The following HSDL2 variants were observed in gnomAD, a reference collection of about 807,000 sequenced individuals.
The protein encoded by HSDL2 is hydroxysteroid dehydrogenase like 2.
Under a neutral mutation model 46.3 loss-of-function variants are expected in HSDL2, and 27 were observed. The observed-to-expected ratio is 0.58, with a 90% CI of 0.43 to 0.80. HSDL2 has a LOEUF of 0.80. HSDL2 is among the 30% of genes least tolerant of loss of function. The pLI is 0.00. For synonymous variants in HSDL2, 153 were observed against 163.6 expected, an observed-to-expected ratio of 0.94 and a Z score of 0.50; for missense variants, 451 against 502.7, an observed-to-expected ratio of 0.90 and a Z score of 0.98.
intron 8 of HSDL2, among the ~76,000 whole-genome samples, chr9:112,442,450 C>T (rs1727626649): frequency 6.6e-6 from 1 of 152,068 alleles, no homozygotes; most frequent in Admixed American, 6.6e-5. Flanking sequence ...ATACATCTAA[C>T]ACCATTTCCA....
At chr9:112,433,065 G>T (rs758555831) in intron 6 of HSDL2, among the ~76,000 whole-genome samples, 1 of 152,010 alleles carries the variant, frequency 6.6e-6, no homozygotes, top group South Asian at 2.1e-4. Flanking sequence ...GTGATCCACC[G>T]TGCCTGGCCT....
At chr9:112,465,341 C>T (rs1436717559) in intron 10 of HSDL2, among the ~76,000 whole-genome samples, 1 of 152,170 alleles carries the variant, frequency 6.6e-6, no homozygotes, top group Admixed American at 6.5e-5. Context: ...GTTGGCCAGG[C>T]TGGTCTCGAA....
chr9:112,381,013 TCC>T (rs1831077129), intron 1 of HSDL2, among the ~76,000 whole-genome samples: 1 of 151,814 alleles, frequency 6.6e-6, no homozygotes, highest in Non-Finnish European at 1.5e-5. Context: ...AGTCTCCCCA[TCC>T]CTAAAATCTA....
intron 6 of HSDL2, among the ~76,000 whole-genome samples, chr9:112,421,695 C>T (rs1832128138): frequency 2.0e-5 from 3 of 152,086 alleles, no homozygotes; most frequent in East Asian, 1.9e-4. Context: ...GCCACTGCAC[C>T]GGCCTTATTA....
rs367712456 is a variant in HSDL2 at position 112,405,708 on chromosome 9, T to C, written c.266T>C (p.Ile89Thr). 1 of 1,608,194 alleles carries C rather than the reference T, an allele frequency of 6.2e-7. No homozygotes were observed. Among genetic ancestry groups the C allele is most frequent in the African/African-American group, 1.3e-5 (1 of 74,730 alleles). The part of the protein sequence containing the change: ...QQISAAVEKA[I>T]KKFGGIDILV... The stretch of plus-strand genomic sequence containing the variant: ...ATCAGTGCTGCAGTGGAGAAAGCCA[T>C]CAAGAAATTTGGAGGTAATACCTTC... The change falls in exon 3 of 11, where the codon ATC (isoleucine) becomes ACC (threonine). Residue 89 changes from isoleucine (I) to threonine (T), a missense_variant. Transcript: ENST00000398805.
intron 6 of HSDL2, among the ~76,000 whole-genome samples, chr9:112,437,060 A>G (rs1479562665): frequency 3.4e-5 from 5 of 145,934 alleles, no homozygotes; most frequent in Non-Finnish European, 5.9e-5. Flanking sequence ...CCCAGGTTCA[A>G]GCAATTCTCC....
intron 6 of HSDL2, among the ~76,000 whole-genome samples, chr9:112,428,060 T>C (rs182005626): frequency 1.3e-5 from 2 of 152,318 alleles, no homozygotes; most frequent in Middle Eastern, 3.4e-3. Context: ...TCCTATCTGC[T>C]ATGTACTGGA....
chr9:112,392,647 G>C (rs888425936), intron 1 of HSDL2, among the ~76,000 whole-genome samples: 6 of 152,006 alleles, frequency 3.9e-5, no homozygotes, highest in Non-Finnish European at 7.4e-5. Context: ...GGCTCTTTTT[G>C]CCTGACCCCA....
chr9:112,419,527 T>C (rs1442787489), intron 6 of HSDL2, among the ~76,000 whole-genome samples: 2 of 152,206 alleles, frequency 1.3e-5, no homozygotes, highest in Non-Finnish European at 2.9e-5. Flanking sequence ...TAAGAATCTT[T>C]TGAAGGCCAA....
chr9:112,412,854 A>G (rs1365802455), intron 4 of HSDL2, among the ~76,000 whole-genome samples: 3 of 152,118 alleles, frequency 2.0e-5, no homozygotes, highest in Non-Finnish European at 4.4e-5. Flanking sequence ...TTGTAATCTC[A>G]GCACTTTGGG....
At chr9:112,427,909 C>G (rs1238204460) in intron 6 of HSDL2, among the ~76,000 whole-genome samples, 1 of 152,090 alleles carries the variant, frequency 6.6e-6, no homozygotes, top group Non-Finnish European at 1.5e-5. Flanking sequence ...GCCTTTTTAC[C>G]TAGTGTATGT....
At chr9:112,389,838 G>GTA (rs1338604111) in intron 1 of HSDL2, among the ~76,000 whole-genome samples, 5 of 152,154 alleles carry the variant, frequency 3.3e-5, no homozygotes, top group Admixed American at 3.3e-4. Context: ...GCCGAGGCCG[G>GTA]TGGATCACTT....
intron 1 of HSDL2, among the ~76,000 whole-genome samples, chr9:112,397,077 A>T (rs1831473938): frequency 6.6e-6 from 1 of 152,210 alleles, no homozygotes; most frequent in Non-Finnish European, 1.5e-5. Flanking sequence ...GGCAAACAGT[A>T]GCAGGAGCAT....
At chr9:112,400,230 C>CT (rs2132615160) in intron 1 of HSDL2, among the ~76,000 whole-genome samples, 1 of 152,270 alleles carries the variant, frequency 6.6e-6, no homozygotes, top group South Asian at 2.1e-4. Context: ...GGTGAAAAAA[C>CT]TTTAAGGTCA....
At chr9:112,400,260 G>C (rs181648132) in intron 1 of HSDL2, among the ~76,000 whole-genome samples, 61 of 152,276 alleles carry the variant, frequency 4.0e-4, no homozygotes, top group African/African-American at 1.2e-3. Context: ...AAGTGTTGGG[G>C]AGGTGGTGGA....
intron 4 of HSDL2, among the ~76,000 whole-genome samples, chr9:112,411,074 G>T (rs570580787): frequency 6.6e-6 from 1 of 152,336 alleles, no homozygotes; most frequent in Non-Finnish European, 1.5e-5. Context: ...GAGTGGCAGG[G>T]TTATCAACTG....
At chr9:112,399,792 G>A (rs1049582841) in intron 1 of HSDL2, among the ~76,000 whole-genome samples, 2 of 152,136 alleles carry the variant, frequency 1.3e-5, no homozygotes, top group African/African-American at 4.8e-5. Flanking sequence ...AGACCTTATG[G>A]TTGTCTTCCC....
intron 10 of HSDL2, among the ~76,000 whole-genome samples, chr9:112,470,075 AG>A (rs1833526887): frequency 3.3e-5 from 5 of 152,174 alleles, no homozygotes; most frequent in South Asian, 4.1e-4. Context: ...AAATGTCAAA[AG>A]TTTAATGAAC....
chr9:112,441,566 G>A (rs1832638257), intron 7 of HSDL2, 133 bp from the exon 8 acceptor site: 2 of 565,986 alleles, frequency 3.5e-6, no homozygotes, highest in South Asian at 2.7e-5. Flanking sequence ...CAGGTCATTC[G>A]ACAGTTCTCA....
Sources: gnomAD v4.1 joint callset for allele counts (sites outside exome capture counted in the v4.1 genomes callset) on GRCh38, gnomAD v4.1.1 for gene constraint, MANE v1.5 for transcripts, NCBI Gene and HGNC (gene_info 2026-07-23, HGNC 2026-07-21) for gene names.